Variants in RAB28 observed in about 807,000 individuals in gnomAD.
The protein encoded by RAB28 is ras-related protein Rab-28.
A neutral mutation model predicts 31.7 loss-of-function variants in RAB28; 24 were observed. That is an observed-to-expected ratio of 0.76 (90% CI 0.55 to 1.06). The LOEUF is 1.06. Among genes scored for constraint, RAB28 ranks in the 50% least tolerant of loss-of-function variants. The pLI is 0.00. For missense variants in RAB28, 254 were observed against 258.5 expected, an observed-to-expected ratio of 0.98 and a Z score of 0.12; for synonymous variants, 100 against 90.4, an observed-to-expected ratio of 1.11 and a Z score of -0.60.
chr4:13,422,821 C>G (rs1560287136), intron 4 of RAB28, among the ~76,000 whole-genome samples: 1 of 151,318 alleles, frequency 6.6e-6, no homozygotes, highest in Non-Finnish European at 1.5e-5. Context: ...ATGGGTGCAG[C>G]AAACCAACAT....
intron 4 of RAB28, among the ~76,000 whole-genome samples, chr4:13,444,900 T>C (rs1714617374): frequency 1.3e-5 from 2 of 151,976 alleles, no homozygotes; most frequent in South Asian, 2.1e-4. Context: ...GTGTTCTCTG[T>C]ATTTCCTGAA....
rs767181210 is a variant in RAB28, at chr4:13,372,396, CA to C, written c.574-3747del. ...ATGGGCTATTATATGCTGCCAGTAA[CA>C]AAACATTGGGCAAGTTATTTCATGT... is the stretch of plus-strand genomic sequence containing the variant. On this transcript the variant is annotated intron_variant, in intron 6 of 6. Coordinates refer to ENST00000330852, the MANE Select transcript of RAB28 (RefSeq NM_001017979.3). Among the ~76,000 whole-genome samples, 425 of 152,122 alleles carry C rather than the reference CA, an allele frequency of 2.8e-3. 5 individuals are homozygous for C. The highest frequency in any genetic ancestry group is 9.0e-3 in the African/African-American group (374 of 41,512).
At chr4:13,399,780 A>G (rs1711640472) in intron 4 of RAB28, among the ~76,000 whole-genome samples, 1 of 152,026 alleles carries the variant, frequency 6.6e-6, no homozygotes, top group South Asian at 2.1e-4. Context: ...AGATTTGAAA[A>G]AGTATACCAG....
In RAB28 at chr4:13,368,249, A is replaced by C; in HGVS notation, c.*309T>G. ...GAGAGTTTTCATATTAAGTTAAAAA[A>C]ATTTACATCAATGAAAAAAGAAGCA... On this transcript the variant is annotated 3_prime_UTR_variant, in exon 7 of 7. Coordinates refer to ENST00000330852, the MANE Select transcript of RAB28 (RefSeq NM_001017979.3). The C allele has an allele frequency of 2.0e-6, 2 of 1,022,010 alleles. No homozygotes were observed. The highest frequency in any genetic ancestry group is 3.4e-5 in the African/African-American group (2 of 58,890). 63.3% of individuals were successfully genotyped at this position (1,022,010 alleles called of 1,614,324 possible).
intron 3 of RAB28, among the ~76,000 whole-genome samples, chr4:13,470,485 C>T (rs963006975): frequency 4.6e-5 from 7 of 152,030 alleles, no homozygotes; most frequent in African/African-American, 1.7e-4. Flanking sequence ...CTGTGTGGGG[C>T]CACTGGCACA....
rs1728603640 is a variant in RAB28, at chr4:13,368,638, C to T, written c.586G>A (p.Ala196Thr). ...TCCTGGTTGTAGTTTACAATATCTGCCTTCACCACCCTCTGTCATAAAAGA... is the reference window on the plus strand; with the variant it reads ...TCCTGGTTGTAGTTTACAATATCTGTCTTCACCACCCTCTGTCATAAAAGA... ...EIEQSQRVVKADIVNYNQEPM... is the reference protein window; with the variant it reads ...EIEQSQRVVKTDIVNYNQEPM... Residue 196 changes from alanine to threonine, a missense_variant, in exon 7 of 7, where the codon GCA becomes ACA. Transcript: ENST00000330852. The T allele has an allele frequency of 6.2e-7, 1 of 1,610,274 alleles. No individual in the cohort carries two copies. The highest frequency in any genetic ancestry group is 1.1e-5 in the South Asian group (1 of 90,870).
chr4:13,404,069 A>T (rs1711930052), intron 4 of RAB28, among the ~76,000 whole-genome samples: 1 of 152,170 alleles, frequency 6.6e-6, no homozygotes, highest in Admixed American at 6.6e-5. Context: ...CAAGAAAATG[A>T]TTTCTCTAAA....
At chr4:13,431,277 C>T (rs1713792062) in intron 4 of RAB28, among the ~76,000 whole-genome samples, 1 of 152,110 alleles carries the variant, frequency 6.6e-6, no homozygotes, top group South Asian at 2.1e-4. Context: ...CCAGAAACAA[C>T]TGAAGGTTAT....
At chr4:13,420,911 C>A (rs1044302523) in intron 4 of RAB28, among the ~76,000 whole-genome samples, 2 of 152,156 alleles carry the variant, frequency 1.3e-5, no homozygotes, top group Non-Finnish European at 2.9e-5. Context: ...GCCGAGCAAT[C>A]AGGCAAGAGA....
chr4:13,440,919 G>C (rs573502348), intron 4 of RAB28, among the ~76,000 whole-genome samples: 1 of 152,150 alleles, frequency 6.6e-6, no homozygotes, highest in African/African-American at 2.4e-5. Context: ...ACTGAGAAAG[G>C]CCTTAGAATG....
intron 4 of RAB28, among the ~76,000 whole-genome samples, chr4:13,383,943 A>G (rs1282667512): frequency 2.0e-5 from 3 of 152,138 alleles, no homozygotes; most frequent in Non-Finnish European, 4.4e-5. Flanking sequence ...GCCTGGCCAT[A>G]CTTGCTTGCA....
intron 4 of RAB28, among the ~76,000 whole-genome samples, chr4:13,405,604 T>C (rs1417650898): frequency 1.3e-5 from 2 of 152,164 alleles, no homozygotes; most frequent in Non-Finnish European, 2.9e-5. Context: ...ACAATCAGCA[T>C]TTATGAATAA....
chr4:13,402,970 AT>A, intron 4 of RAB28, among the ~76,000 whole-genome samples: 1 of 151,962 alleles, frequency 6.6e-6, no homozygotes, highest in Non-Finnish European at 1.5e-5. Context: ...ATTTCTGTAT[AT>A]TTTTGTAGGA....
intron 3 of RAB28, among the ~76,000 whole-genome samples, chr4:13,465,361 GA>G (rs141558696): frequency 8.5e-5 from 12 of 141,360 alleles, no homozygotes; most frequent in Middle Eastern, 3.7e-3. Context: ...TTGCTCAAAA[GA>G]AAAAAAAAAC....
intron 4 of RAB28, among the ~76,000 whole-genome samples, chr4:13,397,987 G>A (rs922107424): frequency 1.8e-4 from 27 of 151,712 alleles, no homozygotes; most frequent in African/African-American, 6.3e-4. Context: ...AGCAGCAGCC[G>A]GTATCAAGCA....
In RAB28 at chr4:13,474,215, A is replaced by G. The variant is rs80091515; in HGVS notation, c.261+103T>C. On this transcript the variant is annotated intron_variant, in intron 3 of 6. Transcript: ENST00000330852. ...TATTCTCTCTACGTATCAGATAAAAAGTTAGAAAGAATGTGTGTGTGTGTG... is the reference window on the plus strand; with the variant it reads ...TATTCTCTCTACGTATCAGATAAAAGGTTAGAAAGAATGTGTGTGTGTGTG... 1.4e-3 allele frequency: 1,162 copies of G among 832,636 alleles called. 29 individuals are homozygous for G. In the East Asian group the frequency reaches 0.028, roughly 20 times the overall value. The allele number at this position is 832,636 out of a possible 1,614,324, so 51.6% of individuals were successfully genotyped here.
chr4:13,479,396 T>A (rs771425560), intron 2 of RAB28, 34 bp downstream of exon 2: 1 of 1,459,134 alleles, frequency 6.9e-7, no homozygotes, highest in East Asian at 2.3e-5. Context: ...GATTTTTTTA[T>A]AATCTTCTAC....
intron 4 of RAB28, among the ~76,000 whole-genome samples, chr4:13,452,568 A>G (rs1355966279): frequency 6.6e-6 from 1 of 151,970 alleles, no homozygotes; most frequent in African/African-American, 2.4e-5. Context: ...ATTTATTTGT[A>G]TAGTTTTGAA....
At chr4:13,450,730 C>T (rs960028918) in intron 4 of RAB28, among the ~76,000 whole-genome samples, 3 of 151,578 alleles carry the variant, frequency 2.0e-5, no homozygotes, top group South Asian at 2.1e-4. Context: ...TCCTTTAGAA[C>T]GAAACTTTAA....
Sources: gnomAD v4.1 joint callset for allele counts (sites outside exome capture counted in the v4.1 genomes callset) on GRCh38, gnomAD v4.1.1 for gene constraint, MANE v1.5 for transcripts, NCBI Gene and HGNC (gene_info 2026-07-23, HGNC 2026-07-21) for gene names.